The following DLG5 variants were observed in gnomAD, a reference collection of about 807,000 sequenced individuals.
The protein encoded by DLG5 is disks large homolog 5.
DLG5 carries 48 observed loss-of-function variants against 189.8 expected under a neutral mutation model. The observed-to-expected ratio is 0.25, with a 90% CI of 0.20 to 0.32. DLG5 has a LOEUF of 0.32. Among genes scored for constraint, DLG5 ranks in the 10% least tolerant of loss-of-function variants. The pLI, the probability that DLG5 is intolerant of heterozygous loss-of-function variation, is 1.00. For missense variants in DLG5, 2,160 were observed against 2,544.7 expected, an observed-to-expected ratio of 0.85 and a Z score of 3.25; for synonymous variants, 1,016 against 1,054.1, an observed-to-expected ratio of 0.96 and a Z score of 0.70.
At chr10:77,812,978 T>C (rs925167199) in intron 20 of DLG5, among the ~76,000 whole-genome samples, 2 of 152,216 alleles carry the variant, frequency 1.3e-5, no homozygotes, top group Admixed American at 6.5e-5. Context: ...AGGGAGCCTC[T>C]GGGCAGGCCA....
At chr10:77,810,571 T>C (rs968616157) in intron 23 of DLG5, among the ~76,000 whole-genome samples, 3 of 152,224 alleles carry the variant, frequency 2.0e-5, no homozygotes, top group African/African-American at 7.2e-5. Context: ...TCCCTCGGCC[T>C]GGACTTCTCT....
At chr10:77,856,578 A>C in intron 3 of DLG5, 152 bp downstream of exon 3, 1 of 1,024,880 alleles carries the variant, frequency 9.8e-7, no homozygotes, top group Non-Finnish European at 1.4e-6. Context: ...GCCCCTGGGA[A>C]GCATTTCTGG....
Position 77,856,507 on chromosome 10 carries a change from C to T in DLG5, c.536+223G>A, listed in dbSNP as rs532536928. Among the ~76,000 whole-genome samples the T allele has an allele frequency of 1.4e-4, 21 of 152,124 alleles. 1 individual carries two copies. The South Asian group carries it at 4.4e-3, about 32-fold the overall frequency. Reference sequence around the variant, plus strand: ...GCTGACTTTGCACACAAGCACACCACTATCAGGGGCCTTGCCACATGTGGG... The same window carrying T: ...GCTGACTTTGCACACAAGCACACCATTATCAGGGGCCTTGCCACATGTGGG... On this transcript the variant is annotated intron_variant, in intron 3 of 31. Transcript: ENST00000372391.
intron 14 of DLG5, among the ~76,000 whole-genome samples, chr10:77,823,592 G>A (rs570706813): frequency 1.3e-5 from 2 of 149,316 alleles, no homozygotes; most frequent in East Asian, 2.0e-4. Context: ...GTGCAAAGGC[G>A]TGATCTCAGC....
At chr10:77,795,252 G>A (rs1180013532) in intron 29 of DLG5, among the ~76,000 whole-genome samples, 1 of 152,192 alleles carries the variant, frequency 6.6e-6, no homozygotes, top group Non-Finnish European at 1.5e-5. Context: ...TGAAAGCCCT[G>A]CCCCACCCTG....
At position 77,817,243 on chromosome 10, in the gene DLG5, A is replaced by C. The variant is rs7902053; in HGVS notation, c.3785-147T>G. ...AAGGGAGCCTTGATATGGAACAGTC[A>C]AGAAAAGCAGACGTTTAACATTTAT... On this transcript the variant is annotated intron_variant, in intron 18 of 31. Transcript: ENST00000372391. 0.015 allele frequency: 10,812 copies of C among 727,804 alleles called. 807 individuals are homozygous for C. The African/African-American group carries it at 0.16, about 11-fold the overall frequency. The allele number at this position is 727,804 out of a possible 1,614,324, so 45.1% of individuals were successfully genotyped here. A position where few individuals can be genotyped will look rare whatever the true frequency, so the allele number is the denominator to read the frequency against.
chr10:77,896,831 C>T (rs1845774485), intron 1 of DLG5, among the ~76,000 whole-genome samples: 1 of 150,820 alleles, frequency 6.6e-6, no homozygotes. Flanking sequence ...AAAAAAAAAG[C>T]AAATATGGCA....
intron 1 of DLG5, among the ~76,000 whole-genome samples, chr10:77,910,944 T>A (rs537594286): frequency 1.4e-5 from 2 of 144,050 alleles, no homozygotes; most frequent in South Asian, 4.3e-4. Flanking sequence ...TGCACTCTAG[T>A]CTGGAGTGCA....
At chr10:77,853,906 T>A (rs1844103869) in intron 4 of DLG5, among the ~76,000 whole-genome samples, 1 of 152,168 alleles carries the variant, frequency 6.6e-6, no homozygotes, top group African/African-American at 2.4e-5. Flanking sequence ...CCCTTGGGCC[T>A]ACCCTACAGG....
intron 2 of DLG5, among the ~76,000 whole-genome samples, chr10:77,865,458 G>A (rs547767501): frequency 1.1e-3 from 162 of 152,210 alleles, no homozygotes; most frequent in African/African-American, 3.8e-3. Context: ...TTCTCCTGCC[G>A]ATAAGCCTGG....
chr10:77,815,204 A>T (rs1024215062), intron 20 of DLG5, among the ~76,000 whole-genome samples: 2 of 152,186 alleles, frequency 1.3e-5, no homozygotes, highest in Non-Finnish European at 2.9e-5. Flanking sequence ...ACAGGCCAGC[A>T]TGCTCCTGCG....
chr10:77,791,426 C>T lies in DLG5; in HGVS notation c.*1014G>A, dbSNP rs1406505674. 1 of 152,064 alleles carries T rather than the reference C, an allele frequency of 6.6e-6. No individual in the cohort carries two copies. Among genetic ancestry groups the T allele is most frequent in the Non-Finnish European group, 1.5e-5 (1 of 67,996 alleles). The allele number at this position is 152,064 out of a possible 1,614,324, so 9.4% of individuals were successfully genotyped here. The stretch of plus-strand genomic sequence containing the variant: ...AGTGCTGTAATCAAGATTAAAAAGA[C>T]CTCAGTTTTTCTTTTTAGACTGTTG... On this transcript the variant is annotated 3_prime_UTR_variant, in exon 32 of 32. Coordinates refer to ENST00000372391, the MANE Select transcript of DLG5 (RefSeq NM_004747.4).
intron 1 of DLG5, among the ~76,000 whole-genome samples, chr10:77,909,116 G>A (rs1846145724): frequency 6.6e-6 from 1 of 152,178 alleles, no homozygotes; most frequent in Non-Finnish European, 1.5e-5. Flanking sequence ...TAGTGACCAG[G>A]TACTTGCTGG....
rs150992792 is a variant in DLG5, at chr10:77,854,328, G to T, written c.579C>A (p.Ile193=). The change falls in exon 4 of 32, where the codon ATC becomes ATA. Residue 193 remains isoleucine (I), a synonymous_variant. Transcript: ENST00000372391. ...RLNPDYERLK[I]QCVRAMSDLQ... The stretch of plus-strand genomic sequence containing the variant: ...GGTCCGACATGGCTCGCACGCACTG[G>T]ATCTTCAGCCTCTCATAGTCAGGAT... 3.1e-6 allele frequency: 5 copies of T among 1,614,118 alleles called. No individual in the cohort carries two copies. Among genetic ancestry groups the T allele is most frequent in the Non-Finnish European group, 4.2e-6 (5 of 1,180,038 alleles).
chr10:77,917,537 GAAGA>G (rs1195952072), intron 1 of DLG5, among the ~76,000 whole-genome samples: 4 of 146,146 alleles, frequency 2.7e-5, no homozygotes, highest in African/African-American at 5.1e-5. Context: ...AAAAAAAAAA[GAAGA>G]AAGAGAGAGA....
chr10:77,811,842 G>T, intron 22 of DLG5, 82 bp downstream of exon 22: 1 of 1,477,868 alleles, frequency 6.8e-7, no homozygotes, highest in South Asian at 1.3e-5. Context: ...CTGGCACCCT[G>T]GGTCTCCCTA....
At chr10:77,814,505 ATC>A (rs1568135722) in intron 20 of DLG5, among the ~76,000 whole-genome samples, 4 of 110,250 alleles carry the variant, frequency 3.6e-5, no homozygotes, top group East Asian at 2.6e-4. Context: ...ATATATATAT[ATC>A]CAAAGGGTAA....
intron 20 of DLG5, among the ~76,000 whole-genome samples, chr10:77,813,619 G>A (rs1841892182): frequency 6.6e-6 from 1 of 152,102 alleles, no homozygotes; most frequent in Non-Finnish European, 1.5e-5. Flanking sequence ...TCAGCACACA[G>A]CCACCCCTAC....
chr10:77,875,153 C>A (rs189650963), intron 1 of DLG5, among the ~76,000 whole-genome samples: 2 of 152,262 alleles, frequency 1.3e-5, no homozygotes, highest in African/African-American at 2.4e-5. Flanking sequence ...AGGATACAAA[C>A]CCAGGCAGTC....
Sources: gnomAD v4.1 joint callset for allele counts (sites outside exome capture counted in the v4.1 genomes callset) on GRCh38, gnomAD v4.1.1 for gene constraint, MANE v1.5 for transcripts, NCBI Gene and HGNC (gene_info 2026-07-23, HGNC 2026-07-21) for gene names.